Variants in PTPN5 observed in about 807,000 individuals in gnomAD.
The protein encoded by PTPN5 is protein tyrosine phosphatase non-receptor type 5.
PTPN5 carries 29 observed loss-of-function variants against 73.9 expected under a neutral mutation model. The observed-to-expected ratio is 0.39, with a 90% confidence interval of 0.29 to 0.54. The LOEUF is 0.54. Among genes scored for constraint, PTPN5 ranks in the 20% least tolerant of loss-of-function variants. The pLI is 0.65. For synonymous variants in PTPN5, 267 were observed against 304.7 expected, an observed-to-expected ratio of 0.88 and a Z score of 1.29; for missense variants, 652 against 751.4, an observed-to-expected ratio of 0.87 and a Z score of 1.55.
chr11:18,731,987 T>C (rs1009909353), intron 12 of PTPN5, among the ~76,000 whole-genome samples: 10 of 152,224 alleles, frequency 6.6e-5, no homozygotes, highest in Non-Finnish European at 1.2e-4. Context: ...TCCTCTATTA[T>C]GCTGATCCTG....
intron 1 of PTPN5, among the ~76,000 whole-genome samples, chr11:18,789,376 G>A (rs1851812350): frequency 6.6e-6 from 1 of 152,154 alleles, no homozygotes; most frequent in African/African-American, 2.4e-5. Context: ...TTTTTTGGAT[G>A]GAGAAATTGA....
chr11:18,777,842 C>T (rs191076531), intron 1 of PTPN5, among the ~76,000 whole-genome samples: 8 of 152,052 alleles, frequency 5.3e-5, no homozygotes, highest in Admixed American at 2.6e-4. Context: ...CTACTCAGCA[C>T]GCTGAGGCAG....
At chr11:18,762,172 G>T (rs1850426094) in intron 3 of PTPN5, among the ~76,000 whole-genome samples, 1 of 152,114 alleles carries the variant, frequency 6.6e-6, no homozygotes, top group Admixed American at 6.5e-5. Context: ...TGTTGGCTCA[G>T]ATCTGGGTGA....
At position 18,732,679 on chromosome 11, in the gene PTPN5, C is replaced by A. The variant is rs1019669436; in HGVS notation, c.1242G>T (p.Glu414Asp). ...CAACACCGTCGTACGCCACCTGCTCCTCCGGCCAATACTCGGTGCATTTCT... is the reference window on the plus strand; with the variant it reads ...CAACACCGTCGTACGCCACCTGCTCATCCGGCCAATACTCGGTGCATTTCT... Reference protein sequence around the residue: ...MNEKCTEYWPEEQVAYDGVEI... With the variant: ...MNEKCTEYWPDEQVAYDGVEI... The change falls in exon 12 of 15, where the codon GAG becomes GAT. Residue 414 changes from glutamate to aspartate, a missense_variant. Physicochemically the swap from Glu to Asp is conservative, Grantham distance 45 (BLOSUM62 2). Coordinates refer to ENST00000358540, the MANE Select transcript of PTPN5 (RefSeq NM_006906.2). 6.2e-7 allele frequency: 1 copy of A among 1,613,772 alleles called. No individual in the cohort carries two copies. The highest frequency in any genetic ancestry group is 1.3e-5 in the African/African-American group (1 of 74,920).
intron 3 of PTPN5, among the ~76,000 whole-genome samples, chr11:18,764,417 T>C (rs533647565): frequency 1.3e-5 from 2 of 152,338 alleles, no homozygotes; most frequent in Admixed American, 1.3e-4. Context: ...TCTTAGACCG[T>C]CTCAACAGGC....
intron 1 of PTPN5, among the ~76,000 whole-genome samples, chr11:18,790,717 G>A (rs1851878609): frequency 6.6e-6 from 1 of 152,130 alleles, no homozygotes. Flanking sequence ...GGGTTCTGGG[G>A]CTTCAATGTG....
intron 3 of PTPN5, among the ~76,000 whole-genome samples, chr11:18,762,309 T>C (rs1446371608): frequency 1.3e-5 from 2 of 151,994 alleles, no homozygotes; most frequent in East Asian, 3.9e-4. Flanking sequence ...GTGGAAAGAG[T>C]ACTTGAGGGC....
chr11:18,760,160 T>A (rs1452341155), intron 3 of PTPN5, among the ~76,000 whole-genome samples: 1 of 152,178 alleles, frequency 6.6e-6, no homozygotes, highest in Non-Finnish European at 1.5e-5. Context: ...CTGGCAAGCA[T>A]GGAGCATGGA....
At chr11:18,738,593 G>T (rs1849221617) in intron 8 of PTPN5, among the ~76,000 whole-genome samples, 1 of 152,110 alleles carries the variant, frequency 6.6e-6, no homozygotes, top group Admixed American at 6.6e-5. Context: ...TCTCAGTCCT[G>T]CCTCTGAGTC....
chr11:18,740,131 G>T (rs914547733), intron 8 of PTPN5, among the ~76,000 whole-genome samples: 3 of 152,226 alleles, frequency 2.0e-5, no homozygotes, highest in South Asian at 2.1e-4. Flanking sequence ...GCTGGAGGCT[G>T]CTGCAGAAGC....
Position 18,743,393 on chromosome 11 carries a change from G to T in PTPN5, c.328C>A (p.His110Asn), listed in dbSNP as rs766873433. ...CGVLWFSGYG[H>N]IWSQNATNLV... ...TTTGTGGCGTTCTGTGACCAGATGT[G>T]GCCATAACCGCTGAACCAGAGCACC... The change falls in exon 5 of 15, where the codon CAC (histidine) becomes AAC (asparagine). Residue 110 changes from histidine to asparagine, a missense_variant. By Grantham distance (68) the His-to-Asn change is moderately conservative. Around this residue, in one of 3 missense-constraint regions of PTPN5, gnomAD observed 529 missense variants for 573.9 expected, o/e 0.92. Transcript: ENST00000358540. 5 of 1,614,152 alleles carry T rather than the reference G, an allele frequency of 3.1e-6. No homozygotes were observed. The South Asian group carries it at 4.4e-5, about 14-fold the overall frequency.
chr11:18,743,035 A>G lies in PTPN5; in HGVS notation c.440T>C (p.Leu147Pro). The G allele has an allele frequency of 6.4e-7, 1 of 1,551,984 alleles. No homozygotes were observed. Among genetic ancestry groups the G allele is most frequent in the Non-Finnish European group, 8.7e-7 (1 of 1,147,096 alleles). Residue 147 changes from leucine (L) to proline (P), a missense_variant, in exon 6 of 15, where the codon CTG becomes CCG. This residue lies in a region of PTPN5 where 529 missense variants were observed against 573.9 expected (regional missense o/e 0.92). Transcript: ENST00000358540. ...DSGTWGVPSL[L>P]LVFLSVGLVL... ...CAGGCCCACGGACAGAAAGACCAGC[A>G]GCAGACTGGGGACTCCCCACGTCCC... is the stretch of plus-strand genomic sequence containing the variant.
Position 18,740,695 on chromosome 11 carries a change from G to A in PTPN5, c.823C>T (p.Arg275Cys), listed in dbSNP as rs376076320. The A allele has an allele frequency of 2.7e-5, 44 of 1,609,080 alleles. No individual in the cohort carries two copies. Among genetic ancestry groups the A allele is most frequent in the South Asian group, 6.6e-5 (6 of 90,382 alleles). ...CGGGAGGCGCTGAGCAGGTACTCGC[G>A]GGCGGACTCCTCACGTGGGGACATG... ...YLMSPREESA[R>C]EYLLSASRVL... Residue 275 changes from arginine (R) to cysteine (C), a missense_variant, in exon 8 of 15, where the codon CGC becomes TGC. This residue lies in a region of PTPN5 where 529 missense variants were observed against 573.9 expected (regional missense o/e 0.92). Coordinates refer to ENST00000358540, the MANE Select transcript of PTPN5 (RefSeq NM_006906.2).
At chr11:18,749,118 A>T (rs1245599100) in intron 3 of PTPN5, among the ~76,000 whole-genome samples, 1 of 152,214 alleles carries the variant, frequency 6.6e-6, no homozygotes, top group East Asian at 1.9e-4. Flanking sequence ...TATGAGGTAG[A>T]CACGATCATC....
chr11:18,760,933 G>A (rs1850357136), intron 3 of PTPN5, among the ~76,000 whole-genome samples: 1 of 152,254 alleles, frequency 6.6e-6, no homozygotes, highest in African/African-American at 2.4e-5. Flanking sequence ...AAGCCTGCAT[G>A]GGTCTCTTGC....
intron 3 of PTPN5, among the ~76,000 whole-genome samples, chr11:18,764,861 C>G (rs540349130): frequency 6.6e-6 from 1 of 152,040 alleles, no homozygotes; most frequent in Non-Finnish European, 1.5e-5. Context: ...TACAGGCGCC[C>G]GCCACCACGC....
At chr11:18,758,777 T>C (rs978673655) in intron 3 of PTPN5, among the ~76,000 whole-genome samples, 3 of 152,086 alleles carry the variant, frequency 2.0e-5, no homozygotes, top group African/African-American at 7.2e-5. Flanking sequence ...TCACTGCATA[T>C]GTTAGGAGTA....
chr11:18,785,964 C>T (rs962457586), intron 1 of PTPN5, among the ~76,000 whole-genome samples: 6 of 152,328 alleles, frequency 3.9e-5, no homozygotes, highest in African/African-American at 1.4e-4. Context: ...GGGATCCCCT[C>T]CCCATCCAAC....
chr11:18,771,457 CT>C (rs1485486607), intron 2 of PTPN5, among the ~76,000 whole-genome samples: 1 of 152,230 alleles, frequency 6.6e-6, no homozygotes, highest in Admixed American at 6.5e-5. Flanking sequence ...CCCCACACAC[CT>C]GGTTCATATG....
Sources: gnomAD v4.1 joint callset for allele counts (sites outside exome capture counted in the v4.1 genomes callset) on GRCh38, gnomAD v4.1.1 for gene constraint, gnomAD v4.1.1 regional missense constraint, MANE v1.5 for transcripts, NCBI Gene and HGNC (gene_info 2026-07-23, HGNC 2026-07-21) for gene names.